NFX1: variants seen among roughly 807,000 people sequenced by gnomAD.
NFX1 encodes the protein transcriptional repressor NF-X1.
A neutral mutation model predicts 137.2 loss-of-function variants in NFX1; 69 were observed. The observed-to-expected ratio is 0.50, with a 90% confidence interval of 0.41 to 0.61. The LOEUF is 0.61. Among genes scored for constraint, NFX1 ranks in the 20% least tolerant of loss-of-function variants. NFX1 has a pLI of 0.00. For synonymous variants in NFX1, 495 were observed against 474.1 expected (o/e 1.04, Z -0.57); for missense variants, 1,167 against 1,391.0 (o/e 0.84, Z 2.56).
At chr9:33,343,399 G>T (rs4879686) in intron 13 of NFX1, among the ~76,000 whole-genome samples, 74,909 of 151,958 alleles carry the variant, frequency 0.49, 22,355 homozygotes, top group Non-Finnish European at 0.64. Flanking sequence ...GCGGATACTT[G>T]GTTTAATAGA....
chr9:33,291,936 G>T (rs984231596), intron 1 of NFX1, among the ~76,000 whole-genome samples: 1 of 152,174 alleles, frequency 6.6e-6, no homozygotes, highest in African/African-American at 2.4e-5. Flanking sequence ...CTGCATTGGT[G>T]TACCCTAGTC....
At chr9:33,366,847 A>G in intron 22 of NFX1, 73 bp downstream of exon 22, 2 of 1,521,476 alleles carry the variant, frequency 1.3e-6, no homozygotes, top group South Asian at 1.2e-5. Context: ...GGGTCTGTCA[A>G]TACTTGTCTT....
At chr9:33,349,510 T>A (rs1030440314) in intron 15 of NFX1, among the ~76,000 whole-genome samples, 5 of 152,176 alleles carry the variant, frequency 3.3e-5, no homozygotes, top group African/African-American at 1.2e-4. Context: ...GAAATATGTA[T>A]GTCCTAGATG....
chr9:33,344,510 A>G (rs1823341162), intron 14 of NFX1, among the ~76,000 whole-genome samples: 1 of 152,176 alleles, frequency 6.6e-6, no homozygotes, highest in African/African-American at 2.4e-5. Flanking sequence ...CTTTTTACAA[A>G]ATTAAAAGTG....
intron 12 of NFX1, among the ~76,000 whole-genome samples, chr9:33,342,000 C>T (rs189000878): frequency 4.3e-4 from 66 of 151,892 alleles, no homozygotes; most frequent in African/African-American, 1.5e-3. Flanking sequence ...CCTGTAATCC[C>T]AGCTACTCAG....
At chr9:33,323,204 A>T (rs1274655254) in intron 9 of NFX1, among the ~76,000 whole-genome samples, 1 of 152,206 alleles carries the variant, frequency 6.6e-6, no homozygotes, top group Admixed American at 6.5e-5. Flanking sequence ...CAGCGGCTAC[A>T]TACTGTAGGG....
chr9:33,324,678 A>G (rs1822511276), intron 9 of NFX1, among the ~76,000 whole-genome samples: 1 of 152,202 alleles, frequency 6.6e-6, no homozygotes, highest in African/African-American at 2.4e-5. Context: ...CTGTAATCCC[A>G]GCATTTTGGG....
intron 6 of NFX1, among the ~76,000 whole-genome samples, chr9:33,312,135 T>C (rs1162039320): frequency 6.6e-6 from 1 of 152,208 alleles, no homozygotes; most frequent in Non-Finnish European, 1.5e-5. Flanking sequence ...CAGGATGAGA[T>C]GAATCATGCA....
rs950770647 is a variant in NFX1 at position 33,370,770 on chromosome 9, A to G, written c.*792A>G. The G allele has an allele frequency of 2.6e-5, 4 of 152,258 alleles. No individual in the cohort carries two copies. Among genetic ancestry groups the G allele is most frequent in the African/African-American group, 9.6e-5 (4 of 41,452 alleles). The allele number at this position is 152,258 out of a possible 1,614,324, so 9.4% of individuals were successfully genotyped here. A position where few individuals can be genotyped will look rare whatever the true frequency, so the allele number is the denominator to read the frequency against. ...GGGTCACACTGTGGTCTCTGAACTG[A>G]CCAGTATATCCCTAACTCCTCTTTG... On this transcript the variant is annotated 3_prime_UTR_variant, in exon 24 of 24. Coordinates refer to ENST00000379540, the MANE Select transcript of NFX1 (RefSeq NM_002504.6).
intron 1 of NFX1, among the ~76,000 whole-genome samples, chr9:33,290,971 C>T (rs1821138122): frequency 1.3e-5 from 2 of 152,292 alleles, no homozygotes; most frequent in African/African-American, 2.4e-5. Context: ...GTGGTGTGCT[C>T]ATACCGCCTG....
chr9:33,306,953 A>G (rs1331340528), intron 4 of NFX1, among the ~76,000 whole-genome samples: 1 of 152,232 alleles, frequency 6.6e-6, no homozygotes, highest in Admixed American at 6.5e-5. Flanking sequence ...CGTAAGTAAA[A>G]GTGACTTTTT....
chr9:33,308,726 G>A (rs1040431494), intron 5 of NFX1, among the ~76,000 whole-genome samples: 1 of 152,134 alleles, frequency 6.6e-6, no homozygotes, highest in Non-Finnish European at 1.5e-5. Context: ...TATGCGGCTC[G>A]ATATAGAGTC....
intron 9 of NFX1, among the ~76,000 whole-genome samples, chr9:33,327,968 C>T (rs370564230): frequency 6.6e-6 from 1 of 152,182 alleles, no homozygotes; most frequent in Non-Finnish European, 1.5e-5. Flanking sequence ...TTCAAGTCTA[C>T]ACTGGAGATG....
At chr9:33,300,148 G>A (rs1461130370) in intron 2 of NFX1, among the ~76,000 whole-genome samples, 6 of 123,094 alleles carry the variant, frequency 4.9e-5, no homozygotes, top group African/African-American at 1.6e-4. Flanking sequence ...TGCAACCTCC[G>A]CCCCCGGGTT....
At chr9:33,327,220 TCA>T (rs1339078947) in intron 9 of NFX1, among the ~76,000 whole-genome samples, 3 of 152,246 alleles carry the variant, frequency 2.0e-5, no homozygotes, top group Non-Finnish European at 4.4e-5. Flanking sequence ...AGGTGGAATC[TCA>T]CTCTATTTCC....
At chr9:33,340,663 T>C (rs1266162947) in intron 12 of NFX1, among the ~76,000 whole-genome samples, 1 of 152,266 alleles carries the variant, frequency 6.6e-6, no homozygotes, top group Admixed American at 6.5e-5. Flanking sequence ...TTTTATGCTC[T>C]GTTTCCCTTT....
At chr9:33,365,089 C>A in intron 21 of NFX1, 1 of 627,792 alleles carries the variant, frequency 1.6e-6, no homozygotes, top group Non-Finnish European at 2.1e-6. Context: ...GCTTGGCCAA[C>A]ATGACGAAAC....
In NFX1 at chr9:33,351,741, C is replaced by T; in HGVS notation, c.2606C>T (p.Ala869Val). The stretch of plus-strand genomic sequence containing the variant: ...GCTGACTGTGGTCACCCGTGTATGG[C>T]ACCCTGCCATACCAGCTCACCCTGC... Reference protein sequence around the residue: ...PRADCGHPCMAPCHTSSPCPV... With the variant: ...PRADCGHPCMVPCHTSSPCPV... The change falls in exon 16 of 24, where the codon GCA becomes GTA. Residue 869 changes from alanine (A) to valine (V), a missense_variant. Ala to Val is a moderately conservative substitution (Grantham distance 64). Around this residue, in one of 3 missense-constraint regions of NFX1, gnomAD observed 312 missense variants for 312.8 expected, o/e 1.00. Coordinates refer to ENST00000379540, the MANE Select transcript of NFX1 (RefSeq NM_002504.6). The T allele has an allele frequency of 1.2e-6, 2 of 1,610,748 alleles. No homozygotes were observed. Among genetic ancestry groups the T allele is most frequent in the Non-Finnish European group, 1.7e-6 (2 of 1,178,448 alleles).
At position 33,319,113 on chromosome 9, in the gene NFX1, C is replaced by T. The variant is rs538365917; in HGVS notation, c.1892C>T (p.Pro631Leu). ...GGAAAAGTGTGCGGCAAGCCTCTGC[C>T]TTGTGGTTCCTTAGGTAACTAGTAA... The part of the protein sequence containing the change: ...SCGKVCGKPL[P>L]CGSLDFIHTC... The change falls in exon 9 of 24, where the codon CCT (proline) becomes CTT (leucine). Residue 631 changes from proline (P) to leucine (L), a missense_variant. Physicochemically the swap from Pro to Leu is moderately conservative, Grantham distance 98. Transcript: ENST00000379540. 4.3e-6 allele frequency: 7 copies of T among 1,614,174 alleles called. No homozygotes were observed. The highest frequency in any genetic ancestry group is 5.9e-6 in the Non-Finnish European group (7 of 1,180,016).
Sources: allele counts gnomAD v4.1 joint callset (sites outside exome capture counted in the v4.1 genomes callset), GRCh38; gene constraint gnomAD v4.1.1; regional missense constraint gnomAD v4.1.1; transcripts MANE v1.5; gene names NCBI Gene and HGNC (gene_info 2026-07-23, HGNC 2026-07-21).